The following FBXL7 variants were observed in gnomAD, a reference collection of about 807,000 sequenced individuals.
FBXL7 encodes F-box/LRR-repeat protein 7.
A neutral mutation model predicts 38.3 loss-of-function variants in FBXL7; 12 were observed. The observed-to-expected ratio is 0.31, with a 90% CI of 0.20 to 0.51. The LOEUF (loss-of-function observed/expected upper bound fraction) is 0.51, where lower values mean the gene tolerates loss of function less well. Among genes scored for constraint, FBXL7 ranks in the 20% least tolerant of loss-of-function variants. The pLI is 0.98. For missense variants in FBXL7, 567 were observed against 676.4 expected, an observed-to-expected ratio of 0.84 and a Z score of 1.79; for synonymous variants, 297 against 300.9, an observed-to-expected ratio of 0.99 and a Z score of 0.13.
chr5:15,692,942 G>C (rs1465649388), intron 2 of FBXL7, among the ~76,000 whole-genome samples: 1 of 152,104 alleles, frequency 6.6e-6, no homozygotes, highest in Non-Finnish European at 1.5e-5. Flanking sequence ...TTCCCTTTCT[G>C]CTTAGTCCTA....
At chr5:15,919,888 A>G (rs183721735) in intron 2 of FBXL7, among the ~76,000 whole-genome samples, 377 of 152,306 alleles carry the variant, frequency 2.5e-3, no homozygotes, top group African/African-American at 8.6e-3. Flanking sequence ...GGACATAGGA[A>G]AGAAATTAGA....
chr5:15,712,875 G>T (rs928047581), intron 2 of FBXL7, among the ~76,000 whole-genome samples: 1 of 152,070 alleles, frequency 6.6e-6, no homozygotes, highest in Non-Finnish European at 1.5e-5. Context: ...CACCAACAGA[G>T]CTGTGGTCCA....
chr5:15,828,737 G>T (rs1209267938), intron 2 of FBXL7, among the ~76,000 whole-genome samples: 1 of 152,182 alleles, frequency 6.6e-6, no homozygotes, highest in Non-Finnish European at 1.5e-5. Flanking sequence ...GTCTCTCCCT[G>T]ACTTGCCGTG....
chr5:15,729,913 C>A (rs1045980614), intron 2 of FBXL7, among the ~76,000 whole-genome samples: 3 of 152,140 alleles, frequency 2.0e-5, no homozygotes, highest in African/African-American at 7.2e-5. Context: ...GGGTAACGCT[C>A]CTAGTTAAAT....
chr5:15,637,578 A>G (rs2126550747), intron 2 of FBXL7, among the ~76,000 whole-genome samples: 1 of 152,350 alleles, frequency 6.6e-6, no homozygotes, highest in South Asian at 2.1e-4. Context: ...AGGCATGAGG[A>G]TAGCAACAGC....
intron 1 of FBXL7, among the ~76,000 whole-genome samples, chr5:15,577,847 T>C (rs1739021477): frequency 6.6e-6 from 1 of 152,202 alleles, no homozygotes; most frequent in African/African-American, 2.4e-5. Flanking sequence ...CCATACATTA[T>C]AAAAATAATC....
chr5:15,559,616 CAAAA>C (rs937558710), intron 1 of FBXL7, among the ~76,000 whole-genome samples: 1 of 151,910 alleles, frequency 6.6e-6, no homozygotes, highest in Non-Finnish European at 1.5e-5. Context: ...GAACAAGGGA[CAAAA>C]AAAGTTATTT....
chr5:15,551,054 C>T (rs1002212641), intron 1 of FBXL7, among the ~76,000 whole-genome samples: 4 of 152,030 alleles, frequency 2.6e-5, no homozygotes, highest in Admixed American at 1.3e-4. Context: ...TTGGATTGGG[C>T]GAATGAGGCA....
chr5:15,631,215 A>G (rs1740987211), intron 2 of FBXL7, among the ~76,000 whole-genome samples: 1 of 152,208 alleles, frequency 6.6e-6, no homozygotes, highest in South Asian at 2.1e-4. Flanking sequence ...TACTTAGCAT[A>G]TATGGACACT....
chr5:15,630,861 T>G (rs1360287382), intron 2 of FBXL7, among the ~76,000 whole-genome samples: 1 of 152,182 alleles, frequency 6.6e-6, no homozygotes, highest in Non-Finnish European at 1.5e-5. Context: ...AGATTTTTTT[T>G]TTTGCTTTCA....
At chr5:15,930,272 T>G (rs1024576775) in intron 3 of FBXL7, among the ~76,000 whole-genome samples, 3 of 152,174 alleles carry the variant, frequency 2.0e-5, no homozygotes, top group Non-Finnish European at 2.9e-5. Flanking sequence ...AACTTTGTGA[T>G]TTAGAAAAGT....
chr5:15,636,870 A>G (rs779143388), intron 2 of FBXL7, among the ~76,000 whole-genome samples: 1 of 152,194 alleles, frequency 6.6e-6, no homozygotes, highest in African/African-American at 2.4e-5. Context: ...CAGTAAAATG[A>G]TCTGATACAT....
intron 2 of FBXL7, among the ~76,000 whole-genome samples, chr5:15,646,570 C>G (rs1741539623): frequency 6.6e-6 from 1 of 152,218 alleles, no homozygotes; most frequent in African/African-American, 2.4e-5. Context: ...TTCTCTTTGG[C>G]TGATCTTATT....
intron 1 of FBXL7, among the ~76,000 whole-genome samples, chr5:15,532,574 C>T (rs903711619): frequency 5.3e-5 from 8 of 152,182 alleles, no homozygotes; most frequent in Admixed American, 4.6e-4. Flanking sequence ...CCTTCAAAAA[C>T]TTTACTGACC....
intron 1 of FBXL7, among the ~76,000 whole-genome samples, chr5:15,522,885 A>G (rs1737140253): frequency 6.6e-6 from 1 of 152,258 alleles, no homozygotes; most frequent in Non-Finnish European, 1.5e-5. Flanking sequence ...TGGATGTTTC[A>G]ATGACAATAG....
At chr5:15,784,347 G>T (rs1257836322) in intron 2 of FBXL7, among the ~76,000 whole-genome samples, 1 of 152,160 alleles carries the variant, frequency 6.6e-6, no homozygotes, top group Admixed American at 6.5e-5. Context: ...GCATTTTTAA[G>T]TGAAGGATTT....
rs1316985336 is a variant in FBXL7 at position 15,896,206 on chromosome 5, A to G, written c.128-31684A>G. ...TGCCTGGCTAATTTTTTGTATTTTT[A>G]GTAGAGATGGGGTTTCACCATGTTG... On this transcript the variant is annotated intron_variant, in intron 2 of 3. Transcript: ENST00000504595. Among the ~76,000 whole-genome samples the G allele has an allele frequency of 4.6e-5, 7 of 151,996 alleles. 1 individual carries two copies. In the East Asian group the frequency reaches 1.4e-3, roughly 29 times the overall value.
At chr5:15,876,330 A>T (rs1740204043) in intron 2 of FBXL7, among the ~76,000 whole-genome samples, 1 of 152,106 alleles carries the variant, frequency 6.6e-6, no homozygotes, top group Admixed American at 6.6e-5. Context: ...GCAAACCACC[A>T]TGGCACATGT....
At chr5:15,563,951 C>T (rs1294643706) in intron 1 of FBXL7, among the ~76,000 whole-genome samples, 1 of 152,022 alleles carries the variant, frequency 6.6e-6, no homozygotes, top group African/African-American at 2.4e-5. Flanking sequence ...GTATGAGTGT[C>T]TCACCAGGTT....
Sources: gnomAD v4.1 joint callset for allele counts (sites outside exome capture counted in the v4.1 genomes callset) on GRCh38, gnomAD v4.1.1 for gene constraint, MANE v1.5 for transcripts, NCBI Gene and HGNC (gene_info 2026-07-23, HGNC 2026-07-21) for gene names.